Variants in VRK3 observed in about 807,000 individuals in gnomAD.
The protein encoded by VRK3 is VRK serine/threonine kinase 3.
A neutral mutation model predicts 60.4 loss-of-function variants in VRK3; 50 were observed. The observed-to-expected ratio is 0.83, with a 90% CI of 0.66 to 1.05. VRK3 has a LOEUF of 1.05. Among genes scored for constraint, VRK3 ranks in the 50% least tolerant of loss-of-function variants. The pLI is 0.00. For missense variants in VRK3, 549 were observed against 585.3 expected, an observed-to-expected ratio of 0.94 and a Z score of 0.64; for synonymous variants, 246 against 227.8, an observed-to-expected ratio of 1.08 and a Z score of -0.72.
chr19:49,998,582 C>A (rs2076745306), intron 6 of VRK3: 1 of 151,986 alleles, frequency 6.6e-6, no homozygotes, highest in African/African-American at 2.4e-5. Flanking sequence ...AACCCCAGCT[C>A]TGCCATTCAT....
Position 50,025,312 on chromosome 19 carries a change from G to C in VRK3, c.-110C>G, listed in dbSNP as rs2077253062. Reference sequence around the variant, plus strand: ...GTGGGATTCTGGGCTTCTGCAGCCTGACCCTCGGATCCTCCGCAGTTACCC... The same window carrying C: ...GTGGGATTCTGGGCTTCTGCAGCCTCACCCTCGGATCCTCCGCAGTTACCC... On this transcript the variant is annotated 5_prime_UTR_variant, in exon 1 of 15. Transcript: ENST00000316763. 6.6e-6 allele frequency: 1 copy of C among 152,324 alleles called. No individual in the cohort carries two copies. The highest frequency in any genetic ancestry group is 2.4e-5 in the African/African-American group (1 of 41,470). 9.4% of individuals were successfully genotyped at this position (152,324 alleles called of 1,614,324 possible).
intron 1 of VRK3, among the ~76,000 whole-genome samples, chr19:50,022,095 C>T (rs1318917675): frequency 3.3e-5 from 5 of 152,172 alleles, no homozygotes; most frequent in Admixed American, 2.6e-4. Flanking sequence ...TCTCCTTCCC[C>T]CAGACCTGAC....
intron 12 of VRK3, chr19:49,986,389 G>A (rs1272392156): frequency 6.5e-6 from 1 of 153,232 alleles, no homozygotes; most frequent in Non-Finnish European, 1.5e-5. Context: ...AATTGATTTA[G>A]AAGCCGGAGT....
intron 2 of VRK3, among the ~76,000 whole-genome samples, chr19:50,017,741 G>C (rs766903919): frequency 6.6e-6 from 1 of 152,056 alleles, no homozygotes; most frequent in Non-Finnish European, 1.5e-5. Context: ...CATAATCATG[G>C]CTCACTGCAG....
intron 2 of VRK3, among the ~76,000 whole-genome samples, chr19:50,016,557 T>C (rs2077082391): frequency 6.6e-6 from 1 of 152,228 alleles, no homozygotes; most frequent in Admixed American, 6.5e-5. Flanking sequence ...GAGGGCTGCC[T>C]GGTCCACACT....
At chr19:49,981,653 T>C (rs1188320543) in intron 12 of VRK3, 1 of 961,068 alleles carries the variant, frequency 1.0e-6, no homozygotes, top group African/African-American at 1.8e-5. Context: ...TCTTTTAATC[T>C]GTGATCCTTA....
intron 3 of VRK3, among the ~76,000 whole-genome samples, chr19:50,010,991 CCCA>C (rs1169191883): frequency 6.6e-6 from 1 of 150,658 alleles, no homozygotes; most frequent in Admixed American, 6.6e-5. Flanking sequence ...CCTTTATTTA[CCCA>C]CCACCAAGGC....
At chr19:49,983,950 T>G (rs2076469107) in intron 12 of VRK3, among the ~76,000 whole-genome samples, 1 of 152,118 alleles carries the variant, frequency 6.6e-6, no homozygotes, top group Admixed American at 6.5e-5. Flanking sequence ...CCTCTATGGT[T>G]GTGGTCTGGA....
chr19:49,997,095 T>C (rs1269304072), intron 7 of VRK3: 1 of 153,414 alleles, frequency 6.5e-6, no homozygotes, highest in Non-Finnish European at 1.5e-5. Context: ...AGCAATTCTC[T>C]CAGCTCAGCC....
intron 12 of VRK3, chr19:49,982,026 G>C: frequency 1.5e-6 from 1 of 663,458 alleles, no homozygotes; most frequent in South Asian, 1.7e-5. Flanking sequence ...TGACTCAAAG[G>C]GAGGGAGGTG....
chr19:50,021,228 T>C (rs985124741), intron 1 of VRK3, among the ~76,000 whole-genome samples: 4 of 152,220 alleles, frequency 2.6e-5, no homozygotes, highest in African/African-American at 4.8e-5. Flanking sequence ...GCAGGTCACA[T>C]GACTATTTCT....
In VRK3 at chr19:49,985,704, A is replaced by G. The variant is rs908338048; in HGVS notation, c.1217+2668T>C. Among the ~76,000 whole-genome samples the G allele has an allele frequency of 2.0e-5, 3 of 152,064 alleles. No homozygotes were observed. In the East Asian group the frequency reaches 5.8e-4, roughly 29 times the overall value. ...GGATGTGAGCTCCCTGAGGGCAGGG[A>G]TTTTTGTCTTACTCATTCCTGTATC... On this transcript the variant is annotated intron_variant, in intron 12 of 14. Transcript: ENST00000316763.
intron 12 of VRK3, among the ~76,000 whole-genome samples, chr19:49,985,137 A>G (rs1177835334): frequency 6.6e-6 from 1 of 152,198 alleles, no homozygotes; most frequent in Non-Finnish European, 1.5e-5. Flanking sequence ...CTAACCCATT[A>G]GAGTGTGTGA....
intron 3 of VRK3, among the ~76,000 whole-genome samples, chr19:50,011,497 A>T (rs1477913723): frequency 6.6e-6 from 1 of 152,200 alleles, no homozygotes; most frequent in Non-Finnish European, 1.5e-5. Flanking sequence ...TTTTCCACAC[A>T]GAGAAGCCAC....
chr19:49,986,848 T>A (rs895267103), intron 12 of VRK3: 4 of 152,278 alleles, frequency 2.6e-5, no homozygotes, highest in African/African-American at 9.7e-5. Flanking sequence ...TAGACTTCAC[T>A]CCTGCACTTC....
At chr19:49,990,432 G>A (rs2076590676) in intron 10 of VRK3, among the ~76,000 whole-genome samples, 1 of 152,298 alleles carries the variant, frequency 6.6e-6, no homozygotes, top group Admixed American at 6.5e-5. Context: ...TGTCACCCAG[G>A]CTGGAGTGCA....
chr19:49,981,314 AG>A (rs368721399), intron 12 of VRK3: 8 of 348,334 alleles, frequency 2.3e-5, no homozygotes, highest in East Asian at 5.9e-5. Context: ...TGGGAGGCCG[AG>A]GGGGGTGGAT....
chr19:50,020,888 A>G (rs893999745), intron 1 of VRK3, among the ~76,000 whole-genome samples: 6 of 152,242 alleles, frequency 3.9e-5, no homozygotes, highest in African/African-American at 7.2e-5. Flanking sequence ...GGGAAGAGAC[A>G]CTAACAAACA....
intron 1 of VRK3, among the ~76,000 whole-genome samples, chr19:50,022,547 A>T (rs1220996057): frequency 1.3e-5 from 2 of 151,960 alleles, no homozygotes; most frequent in Non-Finnish European, 2.9e-5. Flanking sequence ...GCACTTTGGG[A>T]GGCCGAGGTG....
Sources: gnomAD v4.1 joint callset for allele counts (sites outside exome capture counted in the v4.1 genomes callset) on GRCh38, gnomAD v4.1.1 for gene constraint, MANE v1.5 for transcripts, NCBI Gene and HGNC (gene_info 2026-07-23, HGNC 2026-07-21) for gene names.